The following HNRNPR variants were observed in gnomAD, a reference collection of about 807,000 sequenced individuals.
HNRNPR encodes heterogeneous nuclear ribonucleoprotein R.
In HNRNPR, 4 loss-of-function variants were observed where a neutral mutation model predicts 70.3. The observed-to-expected ratio is 0.06, with a 90% confidence interval of 0.03 to 0.13. The LOEUF (loss-of-function observed/expected upper bound fraction) is 0.13, where lower values mean the gene tolerates loss of function less well. Among genes scored for constraint, HNRNPR ranks in the 10% least tolerant of loss-of-function variants. The pLI is 1.00. For synonymous variants in HNRNPR, 241 were observed against 267.6 expected, an observed-to-expected ratio of 0.90 and a Z score of 0.97; for missense variants, 423 against 788.5, an observed-to-expected ratio of 0.54 and a Z score of 5.55.
rs1182164032 is a variant in HNRNPR at position 23,336,082 on chromosome 1, A to G, written c.384+1672T>C. On this transcript the variant is annotated intron_variant, in intron 4 of 10. Coordinates refer to ENST00000302271, the MANE Select transcript of HNRNPR (RefSeq NM_005826.5). The stretch of plus-strand genomic sequence containing the variant: ...CAGTGAGCCGAGATCCCGCCACTGC[A>G]CTCCAGCCTGGGCGACAGAGCGAGA... Among the ~76,000 whole-genome samples, 3 of 117,442 alleles carry G rather than the reference A, an allele frequency of 2.6e-5. No individual in the cohort carries two copies. In the Admixed American group the frequency reaches 3.3e-4, roughly 13 times the overall value. 77.0% of individuals were successfully genotyped at this position (117,442 alleles called of 152,430 possible).
intron 5 of HNRNPR, among the ~76,000 whole-genome samples, chr1:23,326,650 T>G (rs1645987767): frequency 6.6e-6 from 1 of 152,082 alleles, no homozygotes; most frequent in Non-Finnish European, 1.5e-5. Flanking sequence ...CCAGGCATGG[T>G]GGCAGGCACC....
In HNRNPR at chr1:23,338,523, C is replaced by T. The variant is rs772598141; in HGVS notation, c.243G>A (p.Gln81=). The T allele has an allele frequency of 3.2e-6, 5 of 1,581,018 alleles. No individual in the cohort carries two copies. Among genetic ancestry groups the T allele is most frequent in the Non-Finnish European group, 4.3e-6 (5 of 1,157,892 alleles). ...FNEEGALSVL[Q]QFKESDLSHV... is the part of the protein sequence containing the mutation. ...GTGATAAGTCACTTTCCTTGAACTG[C>T]TGTAGTACAGACAGAGCTCCTTCTT... Residue 81 remains glutamine (Q), a synonymous_variant, in exon 3 of 11, where the codon CAG becomes CAA. Coordinates refer to ENST00000302271, the MANE Select transcript of HNRNPR (RefSeq NM_005826.5).
intron 6 of HNRNPR, 39 bp from the exon 7 acceptor site, chr1:23,321,702 CA>C: frequency 3.2e-6 from 5 of 1,576,300 alleles, no homozygotes; most frequent in Non-Finnish European, 4.3e-6. Context: ...AAAACCACCC[CA>C]AACTCAGGAC....
In HNRNPR at chr1:23,310,559, G is replaced by T. The variant is rs147254283; in HGVS notation, c.1797C>A (p.Ile599=). 2 of 1,614,192 alleles carry T rather than the reference G, an allele frequency of 1.2e-6. No individual in the cohort carries two copies. The highest frequency in any genetic ancestry group is 1.7e-6 in the Non-Finnish European group (2 of 1,180,022). ...CACCTTGCTGAAGCGGCTGCTGAGCGATGGGTTGGGAACCCCAGTTCTGTT... is the reference window on the plus strand; with the variant it reads ...CACCTTGCTGAAGCGGCTGCTGAGCTATGGGTTGGGAACCCCAGTTCTGTT... ...NNQQNWGSQP[I]AQQPLQQGGD... Residue 599 remains isoleucine (I), a synonymous_variant, in exon 11 of 11, where the codon ATC becomes ATA. Transcript: ENST00000302271. The surrounding 1 kb of genome is among the most constrained non-coding windows in gnomAD (Gnocchi z 6.0).
At chr1:23,315,296 A>C (rs56740896) in intron 8 of HNRNPR, among the ~76,000 whole-genome samples, 67,134 of 138,694 alleles carry the variant, frequency 0.48, 19,986 homozygotes, top group Middle Eastern at 0.66. Context: ...AAAAAAAAAA[A>C]AAAAAAAAAC....
chr1:23,337,006 C>T (rs1646520962), intron 4 of HNRNPR, among the ~76,000 whole-genome samples: 1 of 152,148 alleles, frequency 6.6e-6, no homozygotes, highest in Non-Finnish European at 1.5e-5. Flanking sequence ...CTTACAATAA[C>T]TCTGTAAGGT....
chr1:23,310,824 G>A lies in HNRNPR; in HGVS notation c.1532C>T (p.Ala511Val). The A allele has an allele frequency of 1.2e-6, 2 of 1,613,940 alleles. No individual in the cohort carries two copies. The highest frequency in any genetic ancestry group is 1.3e-5 in the African/African-American group (1 of 75,012). ...GRGGGRGGRG[A>V]PPPPRGRGAP... The stretch of plus-strand genomic sequence containing the variant: ...TCCCCTCCCCCTTGGTGGTGGTGGA[G>A]CACCTCGCCCTCCCCTTCCTCCTCC... Residue 511 changes from alanine to valine, a missense_variant, in exon 11 of 11, where the codon GCT (alanine) becomes GTT (valine). Ala to Val is a moderately conservative substitution (Grantham distance 64). Around this residue, in one of 7 missense-constraint regions of HNRNPR, gnomAD observed 169 missense variants for 195.6 expected, o/e 0.86. Coordinates refer to ENST00000302271, the MANE Select transcript of HNRNPR (RefSeq NM_005826.5). This position sits in a 1 kb window ranked among gnomAD's most constrained non-coding sequence, Gnocchi z 6.0.
At chr1:23,332,314 A>T (rs894962279) in intron 5 of HNRNPR, among the ~76,000 whole-genome samples, 4 of 152,096 alleles carry the variant, frequency 2.6e-5, no homozygotes, top group Non-Finnish European at 5.9e-5. Flanking sequence ...ATCCACGCCC[A>T]TCAATAATAT....
intron 5 of HNRNPR, among the ~76,000 whole-genome samples, chr1:23,331,989 A>G: frequency 6.6e-6 from 1 of 151,916 alleles, no homozygotes; most frequent in East Asian, 1.9e-4. Flanking sequence ...AAAATTAGCC[A>G]GGCGTGGTGG....
intron 8 of HNRNPR, among the ~76,000 whole-genome samples, chr1:23,317,391 G>C (rs1645587240): frequency 6.6e-6 from 1 of 152,018 alleles, no homozygotes; most frequent in African/African-American, 2.4e-5. Context: ...CCAGGAGGCA[G>C]AGCTTGCCGT....
rs982263133 is a variant in HNRNPR, at chr1:23,309,259, T to C, written c.*1195A>G. On this transcript the variant is annotated 3_prime_UTR_variant, in exon 11 of 11. Coordinates refer to ENST00000302271, the MANE Select transcript of HNRNPR (RefSeq NM_005826.5). ...GCAAATTTACATAGTAATAGGAAAT[T>C]ATATTCCTAAACCAGTAACTGAAAT... is the stretch of plus-strand genomic sequence containing the variant. 7.9e-5 allele frequency: 12 copies of C among 152,134 alleles called. No individual in the cohort carries two copies. The highest frequency in any genetic ancestry group is 2.4e-5 in the African/African-American group (1 of 41,450). The allele number at this position is 152,134 out of a possible 1,614,324, so 9.4% of individuals were successfully genotyped here. A position where few individuals can be genotyped will look rare whatever the true frequency, so the allele number is the denominator to read the frequency against.
rs1284741006 is a variant in HNRNPR, at chr1:23,304,932, T to C, written c.*5522A>G. 1 of 152,162 alleles carries C rather than the reference T, an allele frequency of 6.6e-6. No homozygotes were observed. Among genetic ancestry groups the C allele is most frequent in the Non-Finnish European group, 1.5e-5 (1 of 68,012 alleles). The allele number at this position is 152,162 out of a possible 1,614,324, so 9.4% of individuals were successfully genotyped here. A position where few individuals can be genotyped will look rare whatever the true frequency, so the allele number is the denominator to read the frequency against. ...TCTTAGAACATAGTACCTAACATTA[T>C]AATGGGATTCACTAAGTACAAGTCT... is the stretch of plus-strand genomic sequence containing the variant. On this transcript the variant is annotated 3_prime_UTR_variant, in exon 11 of 11. Transcript: ENST00000302271.
At chr1:23,320,816 C>G (rs1024565586) in intron 7 of HNRNPR, among the ~76,000 whole-genome samples, 1 of 152,068 alleles carries the variant, frequency 6.6e-6, no homozygotes, top group Non-Finnish European at 1.5e-5. Flanking sequence ...GTGTATAGAA[C>G]TGTGATATAA....
At chr1:23,317,180 C>T (rs928274014) in intron 8 of HNRNPR, among the ~76,000 whole-genome samples, 3 of 152,024 alleles carry the variant, frequency 2.0e-5, no homozygotes, top group Admixed American at 6.6e-5. Flanking sequence ...ACTCTGAGGC[C>T]GGGCGCAGTG....
chr1:23,311,096 AAAC>A, intron 10 of HNRNPR, 30 bp from the exon 11 acceptor site: 1 of 1,609,172 alleles, frequency 6.2e-7, no homozygotes, highest in Non-Finnish European at 8.5e-7. Flanking sequence ...AGAAAAGAAA[AAAC>A]AAATCAGTTT....
Position 23,338,617 on chromosome 1 carries a change from T to G in HNRNPR, c.158-9A>C, listed in dbSNP as rs752495336. 6.9e-7 allele frequency: 1 copy of G among 1,455,382 alleles called. No homozygotes were observed. The highest frequency in any genetic ancestry group is 1.9e-5 in the Admixed American group (1 of 52,426). 90.2% of individuals were successfully genotyped at this position (1,455,382 alleles called of 1,614,324 possible). ...GACATAAGCTACCAATCCTAAAAAT[T>G]AAATTGAAAGGGGTAACGTTATTGC... On this transcript the variant is annotated splice_polypyrimidine_tract_variant and intron_variant, in intron 2 of 10. Transcript: ENST00000302271.
At chr1:23,323,884 A>G (rs182017572) in intron 5 of HNRNPR, 152 bp from the exon 6 acceptor site, 24 of 658,160 alleles carry the variant, frequency 3.6e-5, no homozygotes, top group Admixed American at 3.1e-4. Context: ...TTGCAGAGCT[A>G]ATCCTAATTT....
intron 1 of HNRNPR, among the ~76,000 whole-genome samples, chr1:23,343,733 T>TA (rs1012232985): frequency 1.8e-4 from 28 of 152,204 alleles, no homozygotes; most frequent in Admixed American, 1.3e-3. Context: ...CCGGCTCAGA[T>TA]AACCCTGGGA....
chr1:23,325,529 T>C (rs1274604971), intron 5 of HNRNPR, among the ~76,000 whole-genome samples: 1 of 152,214 alleles, frequency 6.6e-6, no homozygotes, highest in Non-Finnish European at 1.5e-5. Flanking sequence ...CCTCATTCAC[T>C]AAACCTCATT....
Sources: allele counts gnomAD v4.1 joint callset (sites outside exome capture counted in the v4.1 genomes callset), GRCh38; gene constraint gnomAD v4.1.1; regional missense constraint gnomAD v4.1.1; non-coding constraint Gnocchi (gnomAD v3.1); transcripts MANE v1.5; gene names NCBI Gene and HGNC (gene_info 2026-07-23, HGNC 2026-07-21).